The following ATP13A1 variants were observed in gnomAD, a reference collection of about 807,000 sequenced individuals.
ATP13A1 encodes the protein ATPase 13A1, also known as endoplasmic reticulum transmembrane helix translocase.
A neutral mutation model predicts 134.8 loss-of-function variants in ATP13A1; 55 were observed. That is an observed-to-expected ratio of 0.41 (90% CI 0.33 to 0.51). The LOEUF is 0.51. Among genes scored for constraint, ATP13A1 ranks in the 20% least tolerant of loss-of-function variants. ATP13A1 has a pLI of 0.29. For synonymous variants in ATP13A1, 775 were observed against 725.1 expected, an observed-to-expected ratio of 1.07 and a Z score of -1.10; for missense variants, 1,389 against 1,652.8, an observed-to-expected ratio of 0.84 and a Z score of 2.77.
At chr19:19,662,384 T>C (rs2062100424) in intron 1 of ATP13A1, 1 of 983,850 alleles carries the variant, frequency 1.0e-6, no homozygotes, top group East Asian at 1.1e-4. Flanking sequence ...TCTGTCTTTC[T>C]GTAGCCCTTG....
Position 19,645,638 on chromosome 19 carries a change from G to A in ATP13A1, c.3504+9C>T. The A allele has an allele frequency of 6.4e-7, 1 of 1,565,748 alleles. No homozygotes were observed. The highest frequency in any genetic ancestry group is 8.7e-7 in the Non-Finnish European group (1 of 1,155,366). On this transcript the variant is annotated intron_variant, in intron 25 of 25. Transcript: ENST00000357324. The surrounding 1 kb of genome is among the most constrained non-coding windows in gnomAD (Gnocchi z 4.1). ...TGAGCCCCAGGGTCACCTCCACAGG[G>A]CCACTGACCTCCACAGGGATGTCCA... is the stretch of plus-strand genomic sequence containing the variant.
rs1301437029 is a variant in ATP13A1, at chr19:19,652,686, C to T, written c.2135G>A (p.Ser712Asn). Reference protein sequence around the residue: ...REVKREALECSLKFVGFIVVS... With the variant: ...REVKREALECNLKFVGFIVVS... The stretch of plus-strand genomic sequence containing the variant: ...CACAATGAAGCCGACGAACTTGAGG[C>T]TGCACTCCAGGGCCTCCCGCTTGAC... The change falls in exon 16 of 26, where the codon AGC becomes AAC. Residue 712 changes from serine (S) to asparagine (N), a missense_variant. Physicochemically the swap from Ser to Asn is conservative, Grantham distance 46. This residue lies in a region of ATP13A1 where 747 missense variants were observed against 956.1 expected (regional missense o/e 0.78). Coordinates refer to ENST00000357324, the MANE Select transcript of ATP13A1 (RefSeq NM_020410.3). 1.9e-6 allele frequency: 3 copies of T among 1,608,116 alleles called. No homozygotes were observed. The highest frequency in any genetic ancestry group is 1.1e-5 in the South Asian group (1 of 89,916).
intron 2 of ATP13A1, 26 bp downstream of exon 2, chr19:19,659,872 C>G: frequency 6.3e-7 from 1 of 1,588,040 alleles, no homozygotes; most frequent in Non-Finnish European, 8.6e-7. Context: ...AGCCCCTCCT[C>G]CAGGAGCCCA....
chr19:19,662,433 C>G, intron 1 of ATP13A1: 1 of 925,318 alleles, frequency 1.1e-6, no homozygotes, highest in Non-Finnish European at 1.3e-6. Flanking sequence ...CAAACACACT[C>G]CTGGAATCAG....
chr19:19,648,762 CCGTGCTAT>C (rs2062003677), intron 19 of ATP13A1, among the ~76,000 whole-genome samples: 1 of 133,378 alleles, frequency 7.5e-6, no homozygotes, highest in Non-Finnish European at 1.6e-5. Context: ...TGAGCTGAGA[CCGTGCTAT>C]TGCACTCCAG....
rs770295283 is a variant in ATP13A1 at position 19,659,907 on chromosome 19, G to A, written c.477C>T (p.His159=). 3.2e-5 allele frequency: 51 copies of A among 1,588,916 alleles called. No individual in the cohort carries two copies. The highest frequency in any genetic ancestry group is 4.2e-5 in the Non-Finnish European group (49 of 1,169,172). ...AGCAGGCAGTCCCTACCTCATTGCG[G>A]TGCAGGGCCACGAGCTCCGTGGAGC... is the stretch of plus-strand genomic sequence containing the variant. The part of the protein sequence containing the change: ...NNGSTELVAL[H]RNEGEDGLEV... The change falls in exon 2 of 26, where the codon CAC becomes CAT. Residue 159 remains histidine (H), a synonymous_variant. Transcript: ENST00000357324.
At position 19,653,788 on chromosome 19, in the gene ATP13A1, TG is replaced by T; in HGVS notation, c.2095del (p.Gln699SerfsTer34). 6.4e-7 allele frequency: 1 copy of T among 1,550,848 alleles called. No homozygotes were observed. Among genetic ancestry groups the T allele is most frequent in the South Asian group, 1.2e-5 (1 of 84,034 alleles). ...AGGGGGAGCCTGGGCCCGTACCTGC[TG>T]GTGAGTGAGGTGTCCCAGCTCCTTG... ...GYKELGHLTH[Q>X]QAREVKREAL... is the part of the protein sequence containing the mutation. On this transcript the variant is annotated frameshift_variant, in exon 15 of 26. Coordinates refer to ENST00000357324, the MANE Select transcript of ATP13A1 (RefSeq NM_020410.3). LOFTEE classifies it high-confidence loss of function. The surrounding 1 kb of genome is among the most constrained non-coding windows in gnomAD (Gnocchi z 4.2).
rs1044547914 is a variant in ATP13A1, at chr19:19,659,517, C to T, written c.677+84G>A. The T allele has an allele frequency of 4.9e-6, 5 of 1,012,364 alleles. No individual in the cohort carries two copies. In the Admixed American group the frequency reaches 7.0e-5, roughly 14 times the overall value. The allele number at this position is 1,012,364 out of a possible 1,614,324, so 62.7% of individuals were successfully genotyped here. On this transcript the variant is annotated intron_variant, in intron 3 of 25. Transcript: ENST00000357324. ...AATAAATAAATAAAAGGGCAGATGCCTCTGTCCCGCTTCCTAGGCACCCTG... is the reference window on the plus strand; with the variant it reads ...AATAAATAAATAAAAGGGCAGATGCTTCTGTCCCGCTTCCTAGGCACCCTG...
In ATP13A1 at chr19:19,651,718, G is replaced by T. The variant is rs1394240621; in HGVS notation, c.2306C>A (p.Thr769Lys). ...CTCGGAGGGAGGCTGCAGGATCAGC[G>T]TGTGGGCCTTTTCAATGAAGTGCAG... ...QELHFIEKAHTLILQPPSEKG... is the reference protein window; with the variant it reads ...QELHFIEKAHKLILQPPSEKG... The change falls in exon 17 of 26, where the codon ACG becomes AAG. Residue 769 changes from threonine to lysine, a missense_variant. Around this residue, in one of 4 missense-constraint regions of ATP13A1, gnomAD observed 747 missense variants for 956.1 expected, o/e 0.78. Coordinates refer to ENST00000357324, the MANE Select transcript of ATP13A1 (RefSeq NM_020410.3). 7 of 1,613,248 alleles carry T rather than the reference G, an allele frequency of 4.3e-6. No individual in the cohort carries two copies. The highest frequency in any genetic ancestry group is 5.9e-6 in the Non-Finnish European group (7 of 1,179,654).
chr19:19,652,263 G>C (rs1293156335), intron 16 of ATP13A1, among the ~76,000 whole-genome samples: 2 of 152,106 alleles, frequency 1.3e-5, no homozygotes, highest in Non-Finnish European at 2.9e-5. Flanking sequence ...GAAGCCACCA[G>C]GACAGGCAGA....
chr19:19,657,427 C>T lies in ATP13A1; in HGVS notation c.678-19G>A. The T allele has an allele frequency of 6.4e-7, 1 of 1,557,228 alleles. No homozygotes were observed. The highest frequency in any genetic ancestry group is 8.7e-7 in the Non-Finnish European group (1 of 1,150,292). Reference sequence around the variant, plus strand: ...CTCGGCCCTGCAAGAGACCAGGCCCCATCCTGTTCCCAGGGCAAGGCCTCT... The same window carrying T: ...CTCGGCCCTGCAAGAGACCAGGCCCTATCCTGTTCCCAGGGCAAGGCCTCT... On this transcript the variant is annotated intron_variant, in intron 3 of 25. Coordinates refer to ENST00000357324, the MANE Select transcript of ATP13A1 (RefSeq NM_020410.3).
chr19:19,652,724 C>T lies in ATP13A1; in HGVS notation c.2101-4G>A, dbSNP rs779537806. On this transcript the variant is annotated splice_region_variant and splice_polypyrimidine_tract_variant and intron_variant, in intron 15 of 25. Coordinates refer to ENST00000357324, the MANE Select transcript of ATP13A1 (RefSeq NM_020410.3). ...CCTCCCGCTTGACCTCCCGGGCCTGCGGACAGACAGGGGCACCCTCACCAT... is the reference window on the plus strand; with the variant it reads ...CCTCCCGCTTGACCTCCCGGGCCTGTGGACAGACAGGGGCACCCTCACCAT... The T allele has an allele frequency of 9.4e-6, 15 of 1,600,854 alleles. No individual in the cohort carries two copies. The highest frequency in any genetic ancestry group is 2.7e-5 in the African/African-American group (2 of 74,604).
intron 4 of ATP13A1, 79 bp from the exon 5 acceptor site, chr19:19,657,228 GT>G (rs745998396): frequency 3.1e-5 from 46 of 1,486,948 alleles, no homozygotes; most frequent in Non-Finnish European, 4.0e-5. Flanking sequence ...GATCTGATAT[GT>G]GAGGGTGGGG....
rs961100710 is a variant in ATP13A1 at position 19,663,616 on chromosome 19, AGGCCGGGCCCCGCAG to A, written c.36_50del (p.Ala15_Gly19del). On this transcript the variant is annotated inframe_deletion, in exon 1 of 26. Transcript: ENST00000357324. ...GCTGCCCGTCAGGCCGGACCCCGCA[AGGCCGGGCCCCGCAG>A]GGCACCGCGTTGCCCACCGCCGCCG... 1.4e-6 allele frequency: 2 copies of A among 1,384,274 alleles called. No individual in the cohort carries two copies. Among genetic ancestry groups the A allele is most frequent in the African/African-American group, 3.1e-5 (2 of 65,526 alleles). 85.7% of individuals were successfully genotyped at this position (1,384,274 alleles called of 1,614,324 possible). A position where few individuals can be genotyped will look rare whatever the true frequency, so the allele number is the denominator to read the frequency against.
intron 3 of ATP13A1, among the ~76,000 whole-genome samples, chr19:19,658,692 G>A (rs989119810): frequency 2.6e-5 from 4 of 152,206 alleles, no homozygotes; most frequent in Non-Finnish European, 4.4e-5. Context: ...TGAAGATGAA[G>A]GGAGAGGGTG....
At position 19,656,639 on chromosome 19, in the gene ATP13A1, T is replaced by C. The variant is rs774542449; in HGVS notation, c.1083+21A>G. The C allele has an allele frequency of 1.6e-5, 26 of 1,608,544 alleles. 1 individual carries two copies. The South Asian group carries it at 2.2e-4, about 14-fold the overall frequency. On this transcript the variant is annotated intron_variant, in intron 7 of 25. Transcript: ENST00000357324. The surrounding 1 kb of genome is among the most constrained non-coding windows in gnomAD (Gnocchi z 4.6). The stretch of plus-strand genomic sequence containing the variant: ...TGTTTCCTCCTGAACAGCTTGAGGA[T>C]CCCCATCCTCCACCAAGTACCTTCA...
Position 19,653,987 on chromosome 19 carries a change from G to A in ATP13A1, c.1971C>T (p.Pro657=), listed in dbSNP as rs367648364. The change falls in exon 14 of 26, where the codon CCC becomes CCT. Residue 657 remains proline, a synonymous_variant. Transcript: ENST00000357324. This position sits in a 1 kb window ranked among gnomAD's most constrained non-coding sequence, Gnocchi z 4.2. ...LCYIAAVKGA[P]ETLHSMFSQC... ...AGCTCACCATGGAGTGCAGAGTTTC[G>A]GGGGCCCCCTTCACGGCCGCGATGT... The A allele has an allele frequency of 4.1e-5, 66 of 1,596,602 alleles. No homozygotes were observed. The highest frequency in any genetic ancestry group is 3.3e-4 in the Middle Eastern group (2 of 6,068).
intron 1 of ATP13A1, 30 bp downstream of exon 1, chr19:19,663,241 T>C: frequency 6.4e-7 from 1 of 1,563,052 alleles, no homozygotes; most frequent in Non-Finnish European, 8.7e-7. Context: ...TCGACCGTGC[T>C]GGGGGTCGGG....
chr19:19,650,190 C>G, intron 17 of ATP13A1: 2 of 577,676 alleles, frequency 3.5e-6, no homozygotes, highest in African/African-American at 1.9e-5. Flanking sequence ...AGATTAGAAC[C>G]TGGGCAGTCT....
Sources: allele counts gnomAD v4.1 joint callset (sites outside exome capture counted in the v4.1 genomes callset), GRCh38; gene constraint gnomAD v4.1.1; regional missense constraint gnomAD v4.1.1; non-coding constraint Gnocchi (gnomAD v3.1); transcripts MANE v1.5; gene names NCBI Gene and HGNC (gene_info 2026-07-23, HGNC 2026-07-21).